The following KYAT3 variants were observed in gnomAD, a reference collection of about 807,000 sequenced individuals.
KYAT3 encodes the protein kynurenine aminotransferase 3.
In KYAT3, 50 loss-of-function variants were observed where a neutral mutation model predicts 59.0. The observed-to-expected ratio is 0.85, with a 90% CI of 0.68 to 1.07. The LOEUF (loss-of-function observed/expected upper bound fraction) is 1.07. Among genes scored for constraint, KYAT3 ranks in the 50% least tolerant of loss-of-function variants. KYAT3 has a pLI of 0.00. For missense variants in KYAT3, 497 were observed against 533.3 expected (o/e 0.93, Z 0.67); for synonymous variants, 148 against 177.0 (o/e 0.84, Z 1.30).
chr1:88,933,547 T>C (rs1333654035), downstream of KYAT3, among the ~76,000 whole-genome samples: 2 of 151,870 alleles, frequency 1.3e-5, no homozygotes, highest in East Asian at 1.9e-4. Flanking sequence ...GGTTAGTAGA[T>C]AGACTCAATC....
intron 4 of KYAT3, 112 bp downstream of exon 4, chr1:88,968,558 G>A: frequency 1.2e-6 from 1 of 819,806 alleles, no homozygotes; most frequent in Non-Finnish European, 1.8e-6. Flanking sequence ...TGGGACAGCT[G>A]GTCCCAGAAA....
chr1:88,952,548 G>A (rs1409151), intron 10 of KYAT3, among the ~76,000 whole-genome samples: 68,881 of 151,932 alleles, frequency 0.45, 15,887 homozygotes, highest in Admixed American at 0.5. Context: ...CCAGCCCTGT[G>A]AGACATGCCT....
At chr1:88,962,171 A>C in intron 5 of KYAT3, 26 bp from the exon 6 acceptor site, 1 of 1,470,284 alleles carries the variant, frequency 6.8e-7, no homozygotes. Context: ...ATAAGATCAC[A>C]ACCTGTCAAT....
chr1:88,927,317 A>G, the KYAT3 span, among the ~76,000 whole-genome samples: 1 of 152,192 alleles, frequency 6.6e-6, no homozygotes, highest in Non-Finnish European at 1.5e-5. Flanking sequence ...CTTCTGCAGT[A>G]CTGCCTGGCC....
chr1:88,961,481 G>T lies in KYAT3; in HGVS notation c.566C>A (p.Ser189Tyr). The change falls in exon 7 of 14, where the codon TCT (serine) becomes TAT (tyrosine). Residue 189 changes from serine (S) to tyrosine (Y), a missense_variant. Coordinates refer to ENST00000260508, the MANE Select transcript of KYAT3 (RefSeq NM_001008661.3). ...RSKPVYGKRW[S>Y]SSDWTLDPQE... is the part of the protein sequence containing the mutation. ...AGGATCTAATGTCCAGTCAGAACTA[G>T]ACCATCTTTTTCCATAAACAGGTTT... is the stretch of plus-strand genomic sequence containing the variant. 1 of 1,612,348 alleles carries T rather than the reference G, an allele frequency of 6.2e-7. No homozygotes were observed. Among genetic ancestry groups the T allele is most frequent in the South Asian group, 1.1e-5 (1 of 90,734 alleles).
At chr1:88,938,829 C>T (rs1421763496) in intron 13 of KYAT3, among the ~76,000 whole-genome samples, 4 of 152,134 alleles carry the variant, frequency 2.6e-5, no homozygotes, top group Non-Finnish European at 5.9e-5. Context: ...ATCATTTATT[C>T]AAGCAGCCCC....
chr1:88,934,841 C>T (rs1674980411), downstream of KYAT3, among the ~76,000 whole-genome samples: 1 of 152,174 alleles, frequency 6.6e-6, no homozygotes, highest in South Asian at 2.1e-4. Flanking sequence ...TGGAGGGCTA[C>T]ATCCTGAAAT....
At chr1:88,973,922 C>T (rs1676657219) in intron 2 of KYAT3, among the ~76,000 whole-genome samples, 1 of 152,104 alleles carries the variant, frequency 6.6e-6, no homozygotes, top group South Asian at 2.1e-4. Context: ...AAAAGTCTTC[C>T]TAAATGATGG....
intron 13 of KYAT3, among the ~76,000 whole-genome samples, chr1:88,942,309 C>T (rs1182482052): frequency 1.3e-5 from 2 of 151,710 alleles, no homozygotes; most frequent in Non-Finnish European, 2.9e-5. Flanking sequence ...CTTATTATTA[C>T]CACGTTTTCA....
intron 2 of KYAT3, among the ~76,000 whole-genome samples, chr1:88,975,474 G>C (rs1036080267): frequency 1.3e-5 from 2 of 152,114 alleles, no homozygotes; most frequent in Admixed American, 1.3e-4. Context: ...TTTCTACTGT[G>C]CATTTTAATT....
rs762977611 is a variant in KYAT3, at chr1:88,953,110, G to A, written c.907C>T (p.Gln303Ter). 3 of 1,613,520 alleles carry A rather than the reference G, an allele frequency of 1.9e-6. No homozygotes were observed. Among genetic ancestry groups the A allele is most frequent in the Middle Eastern group, 3.3e-4 (2 of 6,058 alleles). The change falls in exon 10 of 14, where the codon CAG becomes TAG. Residue 303 changes from glutamine (Q) to a stop codon, truncating the protein, a stop_gained. Coordinates refer to ENST00000260508, the MANE Select transcript of KYAT3 (RefSeq NM_001008661.3). LOFTEE classifies it high-confidence loss of function. ...IGPNHLIKHL[Q>*]TVQQNTIYTC... ...TAAATCGTGTTTTGTTGAACTGTCT[G>A]TAAATGTTTTATCAAATGATTTGGA...
intron 2 of KYAT3, chr1:88,983,002 A>G (rs1479419490): frequency 1.2e-6 from 2 of 1,613,130 alleles, no homozygotes; most frequent in East Asian, 2.2e-5. Context: ...CTCCACTTGG[A>G]TGATCTGAAT....
chr1:88,969,807 A>AT (rs951093200), intron 2 of KYAT3, among the ~76,000 whole-genome samples: 4 of 151,546 alleles, frequency 2.6e-5, no homozygotes, highest in East Asian at 1.9e-4. Flanking sequence ...GTGCCAAACT[A>AT]TTTTTTTTGT....
intron 2 of KYAT3, among the ~76,000 whole-genome samples, chr1:88,976,716 T>C (rs998927733): frequency 2.0e-5 from 3 of 152,196 alleles, no homozygotes; most frequent in African/African-American, 7.2e-5. Context: ...TTATTGTCCC[T>C]GAAGACCTTC....
intron 2 of KYAT3, 147 bp from the exon 3 acceptor site, chr1:88,969,614 C>T (rs1341550016): frequency 1.7e-6 from 1 of 582,442 alleles, no homozygotes; most frequent in African/African-American, 1.9e-5. Flanking sequence ...ACACAAAATT[C>T]TGAAGAGGAA....
chr1:88,935,283 A>G (rs1674993334), downstream of KYAT3, among the ~76,000 whole-genome samples: 1 of 151,618 alleles, frequency 6.6e-6, no homozygotes, highest in Non-Finnish European at 1.5e-5. Flanking sequence ...GATTACAGGC[A>G]TGAGCCACTG....
At chr1:88,982,651 T>C in intron 2 of KYAT3, 2 of 1,587,806 alleles carry the variant, frequency 1.3e-6, no homozygotes, top group Non-Finnish European at 1.7e-6. Flanking sequence ...GTTTTGTTTG[T>C]TTCTAGTATC....
At position 88,960,349 on chromosome 1, in the gene KYAT3, A is replaced by G. The variant is rs186371586; in HGVS notation, c.787+818T>C. On this transcript the variant is annotated intron_variant, in intron 8 of 13. Coordinates refer to ENST00000260508, the MANE Select transcript of KYAT3 (RefSeq NM_001008661.3). ...TCTTTCTAATTCTCTACCATGTACA[A>G]GATTCTATGGAAAATGGGGATGCAG... Among the ~76,000 whole-genome samples, 20 of 151,796 alleles carry G rather than the reference A, an allele frequency of 1.3e-4. No homozygotes were observed. The East Asian group carries it at 3.0e-3, about 22-fold the overall frequency.
chr1:88,984,460 C>T (rs1274817278), intron 2 of KYAT3, among the ~76,000 whole-genome samples: 1 of 152,160 alleles, frequency 6.6e-6, no homozygotes, highest in Non-Finnish European at 1.5e-5. Flanking sequence ...GATCCGCCTG[C>T]CTCGGCCTCC....
Sources: allele counts gnomAD v4.1 joint callset (sites outside exome capture counted in the v4.1 genomes callset), GRCh38; gene constraint gnomAD v4.1.1; transcripts MANE v1.5; gene names NCBI Gene and HGNC (gene_info 2026-07-23, HGNC 2026-07-21).